Variants in TENM4 observed in about 807,000 individuals in gnomAD.
TENM4 encodes the protein teneurin transmembrane protein 4.
In TENM4, 82 loss-of-function variants were observed where a neutral mutation model predicts 243.3. That is an observed-to-expected ratio of 0.34 (90% confidence interval 0.28 to 0.40). The LOEUF is 0.40. Among genes scored for constraint, TENM4 ranks in the 10% least tolerant of loss-of-function variants. The pLI is 1.00. For synonymous variants in TENM4, 1,412 were observed against 1,456.3 expected (o/e 0.97, Z 0.69); for missense variants, 3,138 against 3,673.3 (o/e 0.85, Z 3.77).
In TENM4 at chr11:79,338,118, A is replaced by G. The variant is rs562236949; in HGVS notation, c.-320-40575T>C. ...ATCATGCCAGCTTGGTGACTGCTGC[A>G]CCCCCACAGGCTAGAGCAGGGCTTG... On this transcript the variant is annotated intron_variant, in intron 1 of 33. Coordinates refer to ENST00000278550, the MANE Select transcript of TENM4 (RefSeq NM_001098816.3). Among the ~76,000 whole-genome samples the G allele has an allele frequency of 4.6e-5, 7 of 152,282 alleles. No individual in the cohort carries two copies. The East Asian group carries it at 9.7e-4, about 21-fold the overall frequency.
At position 79,306,802 on chromosome 11, in the gene TENM4, G is replaced by A. The variant is rs530980336; in HGVS notation, c.-320-9259C>T. On this transcript the variant is annotated intron_variant, in intron 1 of 33. Coordinates refer to ENST00000278550, the MANE Select transcript of TENM4 (RefSeq NM_001098816.3). ...ACCTGAGGCTGCTGAGGCAGAAATG[G>A]AACTCAAATTATGCATTCCAGCCCA... 2.2e-4 allele frequency among the ~76,000 whole-genome samples: 33 copies of A among 152,190 alleles called. No individual in the cohort carries two copies. The South Asian group carries it at 6.4e-3, about 30-fold the overall frequency.
At chr11:79,293,018 A>T (rs905424741) in intron 2 of TENM4, among the ~76,000 whole-genome samples, 2 of 152,222 alleles carry the variant, frequency 1.3e-5, no homozygotes, top group African/African-American at 4.8e-5. Flanking sequence ...ATGGGAAAGG[A>T]CCACAGGAGA....
At chr11:79,434,544 C>T (rs752980922) in intron 1 of TENM4, among the ~76,000 whole-genome samples, 2 of 152,110 alleles carry the variant, frequency 1.3e-5, no homozygotes, top group Non-Finnish European at 2.9e-5. Flanking sequence ...CTGGCTGAAG[C>T]ACTCCAGAAA....
At chr11:79,199,781 T>C (rs1050860895) in intron 3 of TENM4, among the ~76,000 whole-genome samples, 1 of 152,162 alleles carries the variant, frequency 6.6e-6, no homozygotes, top group Non-Finnish European at 1.5e-5. Context: ...GAGGGTTTAG[T>C]CCCAGACAGT....
rs554281429 is a variant in TENM4, at chr11:78,819,841, G to A, written c.1682-5446C>T. On this transcript the variant is annotated intron_variant, in intron 12 of 33. Coordinates refer to ENST00000278550, the MANE Select transcript of TENM4 (RefSeq NM_001098816.3). ...CTTAAATTATAAAAGTGGTTGTCAGGAACTCTTTGGGAACACCTGGTTGAA... is the reference window on the plus strand; with the variant it reads ...CTTAAATTATAAAAGTGGTTGTCAGAAACTCTTTGGGAACACCTGGTTGAA... Among the ~76,000 whole-genome samples, 7 of 152,236 alleles carry A rather than the reference G, an allele frequency of 4.6e-5. No individual in the cohort carries two copies. The South Asian group carries it at 1.5e-3, about 32-fold the overall frequency.
At chr11:79,144,024 T>C (rs1182853158) in intron 4 of TENM4, among the ~76,000 whole-genome samples, 1 of 151,862 alleles carries the variant, frequency 6.6e-6, no homozygotes, top group East Asian at 1.9e-4. Flanking sequence ...ACCCACAGAA[T>C]GGGAGAAAAT....
intron 6 of TENM4, among the ~76,000 whole-genome samples, chr11:79,008,571 G>T (rs1858553101): frequency 6.6e-6 from 1 of 152,106 alleles, no homozygotes; most frequent in Non-Finnish European, 1.5e-5. Context: ...AGCCATGAAA[G>T]CCTCTTTGTA....
At chr11:79,381,171 C>G (rs962068047) in intron 1 of TENM4, among the ~76,000 whole-genome samples, 2 of 152,062 alleles carry the variant, frequency 1.3e-5, no homozygotes, top group South Asian at 2.1e-4. Context: ...TCCTTGGCAA[C>G]AGTGCTCCCC....
intron 12 of TENM4, among the ~76,000 whole-genome samples, chr11:78,848,382 C>G (rs553692985): frequency 6.6e-6 from 1 of 152,298 alleles, no homozygotes; most frequent in East Asian, 1.9e-4. Flanking sequence ...TTTAAGGCAT[C>G]CTGGGCTCTA....
chr11:78,827,944 C>T (rs922502605), intron 12 of TENM4, among the ~76,000 whole-genome samples: 2 of 152,172 alleles, frequency 1.3e-5, no homozygotes, highest in Non-Finnish European at 2.9e-5. Context: ...ATAAGTATGG[C>T]TGTTTTCCCC....
At chr11:78,737,809 G>T (rs1379304078) in intron 20 of TENM4, among the ~76,000 whole-genome samples, 1 of 152,118 alleles carries the variant, frequency 6.6e-6, no homozygotes, top group Non-Finnish European at 1.5e-5. Flanking sequence ...ATCAAAGTGG[G>T]GTGGGGAACT....
intron 32 of TENM4, among the ~76,000 whole-genome samples, chr11:78,664,626 T>C (rs1858107054): frequency 6.6e-6 from 1 of 152,228 alleles, no homozygotes; most frequent in African/African-American, 2.4e-5. Flanking sequence ...CTCCATTTTC[T>C]CCTCTCTAAC....
intron 6 of TENM4, among the ~76,000 whole-genome samples, chr11:79,053,595 G>C (rs1859859434): frequency 6.6e-6 from 1 of 152,186 alleles, no homozygotes; most frequent in Admixed American, 6.5e-5. Flanking sequence ...CCACCAGCCA[G>C]AAGTCAGACC....
chr11:78,968,136 C>G (rs1394930269), intron 6 of TENM4, among the ~76,000 whole-genome samples: 1 of 152,232 alleles, frequency 6.6e-6, no homozygotes, highest in East Asian at 1.9e-4. Context: ...CTCTCTGGCT[C>G]TCTATACTCA....
chr11:79,266,871 T>C (rs977749305), intron 2 of TENM4, among the ~76,000 whole-genome samples: 6 of 152,168 alleles, frequency 3.9e-5, no homozygotes, highest in Non-Finnish European at 5.9e-5. Context: ...TCTCTGCCCT[T>C]CAGTACCACA....
chr11:79,272,920 C>G (rs1039277199), intron 2 of TENM4, among the ~76,000 whole-genome samples: 19 of 152,148 alleles, frequency 1.2e-4, no homozygotes, highest in African/African-American at 4.6e-4. Context: ...ATAGCGGACA[C>G]CCAGTAATGT....
intron 12 of TENM4, among the ~76,000 whole-genome samples, chr11:78,853,205 T>A (rs559708760): frequency 3.9e-5 from 6 of 152,320 alleles, no homozygotes; most frequent in African/African-American, 1.4e-4. Flanking sequence ...AATGGAGTTA[T>A]ATTCTTCCAT....
chr11:79,063,836 G>T (rs184293525), intron 6 of TENM4, among the ~76,000 whole-genome samples: 1 of 152,220 alleles, frequency 6.6e-6, no homozygotes, highest in Non-Finnish European at 1.5e-5. Flanking sequence ...CCTTGGGAAC[G>T]AGCCTCAGGG....
intron 7 of TENM4, among the ~76,000 whole-genome samples, chr11:78,899,557 A>AACC (rs1312182146): frequency 7.8e-4 from 26 of 33,454 alleles, no homozygotes; most frequent in African/African-American, 2.4e-3. Context: ...TGTCTCAAAA[A>AACC]GCGGGGGGGG....
Sources: allele counts gnomAD v4.1 joint callset (sites outside exome capture counted in the v4.1 genomes callset), GRCh38; gene constraint gnomAD v4.1.1; transcripts MANE v1.5; gene names NCBI Gene and HGNC (gene_info 2026-07-23, HGNC 2026-07-21).